Variants in MYO1E observed in about 807,000 individuals in gnomAD.
The protein encoded by MYO1E is unconventional myosin-Ie.
MYO1E carries 68 observed loss-of-function variants against 151.1 expected under a neutral mutation model. That is an observed-to-expected ratio of 0.45 (90% CI 0.37 to 0.55). The LOEUF (loss-of-function observed/expected upper bound fraction) is 0.55, where lower values mean the gene tolerates loss of function less well. MYO1E is among the 20% of genes least tolerant of loss of function. The probability of loss-of-function intolerance (pLI) is 0.00; values close to 1 mark genes in which losing one functional copy is unlikely to be tolerated. For missense variants in MYO1E, 1,363 were observed against 1,389.3 expected (o/e 0.98, Z 0.30); for synonymous variants, 601 against 501.7 (o/e 1.20, Z -2.64).
chr15:59,253,538 G>C (rs1308853524), intron 4 of MYO1E, among the ~76,000 whole-genome samples: 1 of 142,002 alleles, frequency 7.0e-6, no homozygotes, highest in African/African-American at 2.6e-5. Context: ...CTTGAGTGCA[G>C]TGGCGCAATC....
intron 1 of MYO1E, among the ~76,000 whole-genome samples, chr15:59,354,904 C>A (rs577513028): frequency 6.6e-6 from 1 of 152,198 alleles, no homozygotes; most frequent in South Asian, 2.1e-4. Flanking sequence ...CCACTAATAT[C>A]CTGTTCTGTG....
chr15:59,294,723 C>T (rs563193259), intron 1 of MYO1E, among the ~76,000 whole-genome samples: 51 of 152,162 alleles, frequency 3.4e-4, no homozygotes, highest in Non-Finnish European at 5.1e-4. Flanking sequence ...TCCTCCCTAC[C>T]AGTCAGTGAG....
chr15:59,295,003 G>T (rs1343213251), intron 1 of MYO1E, among the ~76,000 whole-genome samples: 2 of 152,056 alleles, frequency 1.3e-5, no homozygotes, highest in Non-Finnish European at 2.9e-5. Context: ...GACCCCCACT[G>T]TTGGCTTATT....
chr15:59,138,780 C>A (rs543520478), intron 26 of MYO1E, among the ~76,000 whole-genome samples: 1 of 152,256 alleles, frequency 6.6e-6, no homozygotes, highest in African/African-American at 2.4e-5. Flanking sequence ...TGCATTCCCC[C>A]CAGATTACCA....
chr15:59,295,735 T>C (rs1358326130), intron 1 of MYO1E, among the ~76,000 whole-genome samples: 2 of 151,778 alleles, frequency 1.3e-5, no homozygotes, highest in African/African-American at 4.8e-5. Context: ...TGTTACAGCG[T>C]GGAAAGGCTG....
chr15:59,260,374 A>G (rs2080218089), intron 3 of MYO1E, among the ~76,000 whole-genome samples: 1 of 152,254 alleles, frequency 6.6e-6, no homozygotes, highest in Non-Finnish European at 1.5e-5. Flanking sequence ...AGCTACCAGC[A>G]CCATTCATCT....
chr15:59,197,188 T>TCA (rs1367503327), intron 16 of MYO1E, among the ~76,000 whole-genome samples: 1 of 152,062 alleles, frequency 6.6e-6, no homozygotes, highest in Non-Finnish European at 1.5e-5. Context: ...AGATGGGGTT[T>TCA]CACCATGTTG....
rs796405796 is a variant in MYO1E, at chr15:59,149,061, T to G, written c.3080+4529A>C. ...CTGTTTTTTTTTTTTTGTTTTTTTT[T>G]TTTTTTTTTTTTTGAGACAGAGTCT... On this transcript the variant is annotated intron_variant, in intron 26 of 27. Coordinates refer to ENST00000288235, the MANE Select transcript of MYO1E (RefSeq NM_004998.4). 6.0e-4 allele frequency among the ~76,000 whole-genome samples: 84 copies of G among 140,094 alleles called. 1 individual carries two copies. The highest frequency in any genetic ancestry group is 1.8e-3 in the East Asian group (9 of 4,888). The allele number at this position is 140,094 out of a possible 152,430, so 91.9% of individuals were successfully genotyped here.
chr15:59,339,817 T>G (rs941590758), intron 1 of MYO1E, among the ~76,000 whole-genome samples: 7 of 151,896 alleles, frequency 4.6e-5, no homozygotes, highest in African/African-American at 1.5e-4. Context: ...GCGAGATACC[T>G]TCTCTACAAA....
chr15:59,231,226 C>G (rs1381994057), intron 6 of MYO1E, among the ~76,000 whole-genome samples: 3 of 152,190 alleles, frequency 2.0e-5, no homozygotes, highest in African/African-American at 7.2e-5. Flanking sequence ...GCAGCTCGCT[C>G]TGAGGGATGG....
intron 27 of MYO1E, 71 bp from the exon 28 acceptor site, chr15:59,137,527 TC>T: frequency 8.3e-7 from 1 of 1,206,232 alleles, no homozygotes; most frequent in Non-Finnish European, 1.2e-6. Context: ...CACACTCCGC[TC>T]CCATGGGCTC....
At chr15:59,147,670 T>A (rs1480959793) in intron 26 of MYO1E, among the ~76,000 whole-genome samples, 1 of 145,610 alleles carries the variant, frequency 6.9e-6, no homozygotes, top group African/African-American at 2.6e-5. Flanking sequence ...CCAGAAGGAG[T>A]TTGTGACTTT....
At chr15:59,303,275 G>A (rs528483614) in intron 1 of MYO1E, among the ~76,000 whole-genome samples, 1 of 152,308 alleles carries the variant, frequency 6.6e-6, no homozygotes, top group African/African-American at 2.4e-5. Flanking sequence ...GGCCGGGTGT[G>A]GTGGTGGCAT....
At chr15:59,357,606 T>C (rs1206128042) in intron 1 of MYO1E, among the ~76,000 whole-genome samples, 1 of 151,218 alleles carries the variant, frequency 6.6e-6, no homozygotes, top group Admixed American at 6.6e-5. Flanking sequence ...GTTGTTGTTG[T>C]TGTTGTTGTT....
intron 26 of MYO1E, among the ~76,000 whole-genome samples, chr15:59,153,170 AATATC>A (rs1269542599): frequency 2.6e-5 from 4 of 152,204 alleles, no homozygotes; most frequent in Non-Finnish European, 5.9e-5. Context: ...TTCTTCAACA[AATATC>A]ATATAGAATG....
At chr15:59,259,880 TCC>T (rs2080215302) in intron 3 of MYO1E, among the ~76,000 whole-genome samples, 3 of 152,132 alleles carry the variant, frequency 2.0e-5, no homozygotes, top group African/African-American at 7.2e-5. Context: ...AACTCCTAGC[TCC>T]ATCACTCAGT....
chr15:59,213,328 G>A (rs1002490710), intron 12 of MYO1E, among the ~76,000 whole-genome samples: 5 of 151,760 alleles, frequency 3.3e-5, no homozygotes, highest in Middle Eastern at 3.2e-3. Flanking sequence ...ACACCATCAC[G>A]CCCAGCTAAT....
intron 10 of MYO1E, among the ~76,000 whole-genome samples, chr15:59,216,735 A>G (rs1392542565): frequency 1.5e-5 from 2 of 137,418 alleles, no homozygotes; most frequent in South Asian, 2.4e-4. Context: ...TAATTATGCC[A>G]TAACCAAAAA....
In MYO1E at chr15:59,189,491, T is replaced by C. The variant is rs189797349; in HGVS notation, c.1806-1275A>G. Among the ~76,000 whole-genome samples, 6 of 143,528 alleles carry C rather than the reference T, an allele frequency of 4.2e-5. No homozygotes were observed. In the East Asian group the frequency reaches 1.2e-3, roughly 29 times the overall value. The allele number at this position is 143,528 out of a possible 152,430, so 94.2% of individuals were successfully genotyped here. On this transcript the variant is annotated intron_variant, in intron 17 of 27. Coordinates refer to ENST00000288235, the MANE Select transcript of MYO1E (RefSeq NM_004998.4). ...CTGGAGTGGAGTGGCAAACTTTCTTTCCTTTCTTTTTCTTTTCTTTCTTTC... is the reference window on the plus strand; with the variant it reads ...CTGGAGTGGAGTGGCAAACTTTCTTCCCTTTCTTTTTCTTTTCTTTCTTTC...
Sources: gnomAD v4.1 joint callset for allele counts (sites outside exome capture counted in the v4.1 genomes callset) on GRCh38, gnomAD v4.1.1 for gene constraint, MANE v1.5 for transcripts, NCBI Gene and HGNC (gene_info 2026-07-23, HGNC 2026-07-21) for gene names.